SGCZ: variants seen among roughly 807,000 people sequenced by gnomAD.
SGCZ encodes zeta-sarcoglycan.
In SGCZ, 40 loss-of-function variants were observed where a neutral mutation model predicts 41.3. The ratio of observed to expected loss-of-function variants is 0.97; its 90% CI spans 0.75 to 1.26. SGCZ has a LOEUF of 1.26. Among genes scored for constraint, SGCZ ranks in the 50% most tolerant of loss-of-function variants. SGCZ has a pLI of 0.00. For missense variants in SGCZ, 552 were observed against 369.8 expected, an observed-to-expected ratio of 1.49 and a Z score of -4.04; for synonymous variants, 206 against 137.5, an observed-to-expected ratio of 1.50 and a Z score of -3.49.
At chr8:14,808,997 G>T (rs544177418) in intron 1 of SGCZ, among the ~76,000 whole-genome samples, 9 of 150,202 alleles carry the variant, frequency 6.0e-5, no homozygotes, top group Middle Eastern at 3.4e-3. Context: ...ACCAAACACC[G>T]CATATTCTCA....
intron 1 of SGCZ, among the ~76,000 whole-genome samples, chr8:15,103,109 T>C (rs2131085124): frequency 6.6e-6 from 1 of 152,218 alleles, no homozygotes; most frequent in South Asian, 2.1e-4. Context: ...AATAGAGAAA[T>C]GACAGTCACA....
At chr8:14,427,961 T>C (rs1407406373) in intron 2 of SGCZ, among the ~76,000 whole-genome samples, 1 of 152,044 alleles carries the variant, frequency 6.6e-6, no homozygotes, top group Non-Finnish European at 1.5e-5. Flanking sequence ...CTAGAAATGA[T>C]TTAAAGTATA....
intron 1 of SGCZ, among the ~76,000 whole-genome samples, chr8:14,793,002 G>A (rs187320832): frequency 2.0e-5 from 3 of 152,220 alleles, no homozygotes; most frequent in Non-Finnish European, 4.4e-5. Context: ...ATTTGACAAT[G>A]CTATTTGAAT....
chr8:14,458,323 T>G (rs751923793), intron 2 of SGCZ, among the ~76,000 whole-genome samples: 1 of 152,176 alleles, frequency 6.6e-6, no homozygotes, highest in Non-Finnish European at 1.5e-5. Flanking sequence ...GAAGCAGTAC[T>G]TTTTACTGGA....
At chr8:15,205,166 G>T (rs777579318) in intron 1 of SGCZ, among the ~76,000 whole-genome samples, 1 of 151,984 alleles carries the variant, frequency 6.6e-6, no homozygotes, top group Non-Finnish European at 1.5e-5. Flanking sequence ...GGAAAACAAC[G>T]AAGGCAATAC....
intron 1 of SGCZ, among the ~76,000 whole-genome samples, chr8:15,206,777 A>AT (rs113813675): frequency 0.046 from 6,951 of 150,382 alleles, 293 homozygotes; most frequent in African/African-American, 0.11. Context: ...AACTAAAGAG[A>AT]TTTTTTTTTT....
At chr8:14,571,372 G>A (rs1038322867) in intron 1 of SGCZ, among the ~76,000 whole-genome samples, 17 of 152,164 alleles carry the variant, frequency 1.1e-4, no homozygotes, top group Admixed American at 6.5e-4. Flanking sequence ...TTGCATTAAT[G>A]TTGCTGTAAT....
intron 1 of SGCZ, among the ~76,000 whole-genome samples, chr8:14,774,356 A>G (rs1177656116): frequency 1.3e-5 from 2 of 152,134 alleles, no homozygotes; most frequent in Non-Finnish European, 2.9e-5. Context: ...TACTCATCCT[A>G]TTGATTCTGT....
At chr8:15,209,694 A>T (rs1383168620) in intron 1 of SGCZ, among the ~76,000 whole-genome samples, 4 of 152,152 alleles carry the variant, frequency 2.6e-5, no homozygotes, top group Admixed American at 2.6e-4. Context: ...ACAAAACATA[A>T]GGCAAACTCA....
rs574796541 is a variant in SGCZ at position 14,100,164 on chromosome 8, CTTTTA to C, written c.744+2207_744+2211del. Among the ~76,000 whole-genome samples, 29 of 151,652 alleles carry C rather than the reference CTTTTA, an allele frequency of 1.9e-4. No homozygotes were observed. In the East Asian group the frequency reaches 5.4e-3, roughly 28 times the overall value. On this transcript the variant is annotated intron_variant, in intron 7 of 7. Coordinates refer to ENST00000382080, the MANE Select transcript of SGCZ (RefSeq NM_139167.4). ...GTTTTAAGTGCTGTGCCTTTCTGTACTTTTATTTTGTTACTATAAAAAAAAACCAC... is the reference window on the plus strand; with the variant it reads ...GTTTTAAGTGCTGTGCCTTTCTGTACTTTTGTTACTATAAAAAAAAACCAC...
intron 2 of SGCZ, among the ~76,000 whole-genome samples, chr8:14,457,380 G>A (rs4831590): frequency 0.24 from 35,785 of 152,126 alleles, 4,688 homozygotes; most frequent in Admixed American, 0.31. Flanking sequence ...ATGGTCCAGC[G>A]GTAGCAAAAG....
chr8:14,901,649 G>T (rs1281519901), intron 1 of SGCZ, among the ~76,000 whole-genome samples: 1 of 151,908 alleles, frequency 6.6e-6, no homozygotes, highest in Non-Finnish European at 1.5e-5. Flanking sequence ...AATATCCTTT[G>T]TATATGGAAA....
At chr8:14,269,977 G>C (rs754268363) in intron 3 of SGCZ, among the ~76,000 whole-genome samples, 4 of 152,092 alleles carry the variant, frequency 2.6e-5, no homozygotes, top group Non-Finnish European at 4.4e-5. Flanking sequence ...ATAAGGATTG[G>C]CTATAAGTGG....
intron 1 of SGCZ, among the ~76,000 whole-genome samples, chr8:14,997,310 TA>T (rs1802251899): frequency 6.6e-6 from 1 of 152,226 alleles, no homozygotes; most frequent in African/African-American, 2.4e-5. Flanking sequence ...TTTTGTGAAT[TA>T]TTCTTGCAAA....
chr8:15,054,049 G>A (rs1203860048), intron 1 of SGCZ, among the ~76,000 whole-genome samples: 2 of 152,158 alleles, frequency 1.3e-5, no homozygotes, highest in Non-Finnish European at 2.9e-5. Flanking sequence ...ACAGTAAAGG[G>A]ATGTAGCAAA....
intron 4 of SGCZ, among the ~76,000 whole-genome samples, chr8:14,231,790 G>C (rs1806580768): frequency 6.6e-6 from 1 of 152,088 alleles, no homozygotes; most frequent in Non-Finnish European, 1.5e-5. Context: ...GCACATGTGA[G>C]AAAAACGTGT....
intron 2 of SGCZ, among the ~76,000 whole-genome samples, chr8:14,448,138 A>G (rs1423539660): frequency 2.0e-5 from 3 of 152,230 alleles, no homozygotes; most frequent in African/African-American, 7.2e-5. Flanking sequence ...GTAGATGCTA[A>G]GAAGATATCC....
chr8:14,318,163 G>T (rs1373107885), intron 3 of SGCZ, among the ~76,000 whole-genome samples: 1 of 150,046 alleles, frequency 6.7e-6, no homozygotes, highest in African/African-American at 2.4e-5. Context: ...TTTTTCAAAA[G>T]AAAGAAAGAA....
intron 1 of SGCZ, among the ~76,000 whole-genome samples, chr8:15,149,625 A>G (rs1455928300): frequency 6.6e-6 from 1 of 151,870 alleles, no homozygotes; most frequent in Non-Finnish European, 1.5e-5. Context: ...CATCATTGCT[A>G]AGATTGAAAA....
Sources: gnomAD v4.1 joint callset for allele counts (sites outside exome capture counted in the v4.1 genomes callset) on GRCh38, gnomAD v4.1.1 for gene constraint, MANE v1.5 for transcripts, NCBI Gene and HGNC (gene_info 2026-07-23, HGNC 2026-07-21) for gene names.